Variants in ZFP90 observed in about 807,000 individuals in gnomAD.
ZFP90 encodes the protein ZFP90 zinc finger protein.
In ZFP90, 38 loss-of-function variants were observed where a neutral mutation model predicts 60.8. The observed-to-expected ratio is 0.62, with a 90% CI of 0.48 to 0.82. The LOEUF (loss-of-function observed/expected upper bound fraction) is 0.82, where lower values mean the gene tolerates loss of function less well. ZFP90 is among the 40% of genes least tolerant of loss of function. ZFP90 has a pLI of 0.00. For missense variants in ZFP90, 711 were observed against 759.1 expected (o/e 0.94, Z 0.74); for synonymous variants, 287 against 264.8 (o/e 1.08, Z -0.82).
intron 4 of ZFP90, 36 bp from the exon 5 acceptor site, chr16:68,563,008 G>T: frequency 9.3e-6 from 15 of 1,612,064 alleles, no homozygotes; most frequent in Non-Finnish European, 1.3e-5. Context: ...TCAACAGGAA[G>T]GAATAGGGGA....
intron 2 of ZFP90, among the ~76,000 whole-genome samples, chr16:68,545,600 G>A (rs1411456685): frequency 6.8e-6 from 1 of 146,350 alleles, no homozygotes; most frequent in Non-Finnish European, 1.5e-5. Flanking sequence ...GGATCACGAG[G>A]TCAGGAGATC....
chr16:68,540,366 C>A (rs559880090), intron 2 of ZFP90, among the ~76,000 whole-genome samples: 8 of 152,160 alleles, frequency 5.3e-5, no homozygotes, highest in Non-Finnish European at 8.8e-5. Context: ...AGGGCTGATT[C>A]TCCCAGAGCT....
intron 2 of ZFP90, among the ~76,000 whole-genome samples, chr16:68,542,118 C>T (rs1444006485): frequency 4.6e-5 from 7 of 152,146 alleles, no homozygotes; most frequent in Admixed American, 4.6e-4. Context: ...AGTAATGAGT[C>T]CTGTGACTGC....
intron 3 of ZFP90, 81 bp from the exon 4 acceptor site, chr16:68,558,392 G>T: frequency 7.7e-7 from 1 of 1,302,516 alleles, no homozygotes; most frequent in Non-Finnish European, 1.1e-6. Context: ...GAGGATCAAG[G>T]ACTAGTACTG....
At chr16:68,540,808 CAA>C (rs35122186) in intron 2 of ZFP90, among the ~76,000 whole-genome samples, 3 of 92,696 alleles carry the variant, frequency 3.2e-5, no homozygotes, top group Non-Finnish European at 6.0e-5. Context: ...TCCGTCTCTG[CAA>C]AAAAAAAAAA....
chr16:68,553,462 A>G (rs945041244), intron 2 of ZFP90, among the ~76,000 whole-genome samples: 2 of 152,120 alleles, frequency 1.3e-5, no homozygotes, highest in African/African-American at 4.8e-5. Flanking sequence ...CGAGAGCTGC[A>G]GGCAGGGGAG....
At chr16:68,536,021 C>T (rs575943125), upstream of ZFP90, among the ~76,000 whole-genome samples, 16 of 152,278 alleles carry the variant, frequency 1.1e-4, no homozygotes, top group African/African-American at 3.9e-4. Context: ...ATTCCATAGC[C>T]TCTTACTATT....
At chr16:68,546,942 C>A (rs1270885564) in intron 2 of ZFP90, among the ~76,000 whole-genome samples, 2 of 152,174 alleles carry the variant, frequency 1.3e-5, no homozygotes, top group Non-Finnish European at 2.9e-5. Context: ...AAATAAAAGC[C>A]TTTCTAAGGC....
chr16:68,539,060 T>A (rs1349047382), upstream of ZFP90, among the ~76,000 whole-genome samples: 1 of 152,140 alleles, frequency 6.6e-6, no homozygotes, highest in Non-Finnish European at 1.5e-5. Flanking sequence ...CCCGGCCGAT[T>A]CCCCAGCTAG....
At chr16:68,554,913 G>C (rs977829036) in intron 2 of ZFP90, among the ~76,000 whole-genome samples, 2 of 152,222 alleles carry the variant, frequency 1.3e-5, no homozygotes, top group Admixed American at 6.5e-5. Context: ...CTAGAGGGTA[G>C]AGTAGGCAGT....
intron 2 of ZFP90, among the ~76,000 whole-genome samples, chr16:68,549,648 C>T (rs1372331346): frequency 1.4e-5 from 2 of 140,350 alleles, no homozygotes; most frequent in Non-Finnish European, 3.0e-5. Flanking sequence ...CACTGCACTC[C>T]AGCCTGGGCG....
In ZFP90 at chr16:68,563,537, A is replaced by G. The variant is rs1207555627; in HGVS notation, c.750A>G (p.Gly250=). The change falls in exon 5 of 5, where the codon GGA becomes GGG. Residue 250 remains glycine (G), a synonymous_variant. Coordinates refer to ENST00000563169, the MANE Select transcript of ZFP90 (RefSeq NM_001305203.2). ...PNGTDQGIYP[G]KKHHECTDCG... The stretch of plus-strand genomic sequence containing the variant: ...GAACAGATCAAGGAATTTATCCTGG[A>G]AAGAAACACCATGAATGTACCGACT... The G allele has an allele frequency of 6.2e-7, 1 of 1,614,236 alleles. No homozygotes were observed. The highest frequency in any genetic ancestry group is 1.3e-5 in the African/African-American group (1 of 75,072).
At chr16:68,575,612 G>A (rs1056407232) in intron 2 of ZFP90, among the ~76,000 whole-genome samples, 1 of 150,944 alleles carries the variant, frequency 6.6e-6, no homozygotes, top group Non-Finnish European at 1.5e-5. Context: ...AACCAATTAG[G>A]CAAGGGTAGT....
chr16:68,565,702 G>T lies in ZFP90; in HGVS notation c.*1004G>T. ...GGAAAACAACAGAAAACTAAGAGGA[G>T]AATTTTCCCGTTAATTTTCTTGCAG... is the stretch of plus-strand genomic sequence containing the variant. On this transcript the variant is annotated 3_prime_UTR_variant, in exon 5 of 5. Transcript: ENST00000563169. The T allele has an allele frequency of 1.0e-6, 1 of 975,282 alleles. No homozygotes were observed. Among genetic ancestry groups the T allele is most frequent in the Non-Finnish European group, 1.2e-6 (1 of 827,558 alleles). The allele number at this position is 975,282 out of a possible 1,614,324, so 60.4% of individuals were successfully genotyped here.
chr16:68,559,707 A>G (rs539013381), intron 4 of ZFP90, among the ~76,000 whole-genome samples: 1 of 152,166 alleles, frequency 6.6e-6, no homozygotes, highest in Admixed American at 6.5e-5. Context: ...AGCTAGGACT[A>G]TAGATATGTG....
chr16:68,536,426 C>A (rs1416389021), upstream of ZFP90, among the ~76,000 whole-genome samples: 3 of 152,166 alleles, frequency 2.0e-5, no homozygotes. Context: ...CCCACCTCAG[C>A]CTCCCCAGTA....
chr16:68,544,597 A>C (rs1162150518), intron 2 of ZFP90, among the ~76,000 whole-genome samples: 13 of 152,156 alleles, frequency 8.5e-5, no homozygotes. Context: ...TTAGATCATC[A>C]GGGTGAACAG....
chr16:68,534,630 G>T (rs2093863784), upstream of ZFP90, among the ~76,000 whole-genome samples: 1 of 151,556 alleles, frequency 6.6e-6, no homozygotes, highest in Non-Finnish European at 1.5e-5. Flanking sequence ...TGACAGCCGG[G>T]CACAGTGGCT....
At position 68,565,661 on chromosome 16, in the gene ZFP90, C is replaced by G; in HGVS notation, c.*963C>G. ...ATGAAAAAGCACTTTCTTAAGCCTA[C>G]AGTATCAGATCAATGGGAAAACAAC... is the stretch of plus-strand genomic sequence containing the variant. On this transcript the variant is annotated 3_prime_UTR_variant, in exon 5 of 5. Coordinates refer to ENST00000563169, the MANE Select transcript of ZFP90 (RefSeq NM_001305203.2). 1.0e-6 allele frequency: 1 copy of G among 985,550 alleles called. No individual in the cohort carries two copies. Among genetic ancestry groups the G allele is most frequent in the Non-Finnish European group, 1.2e-6 (1 of 829,934 alleles). The allele number at this position is 985,550 out of a possible 1,614,324, so 61.1% of individuals were successfully genotyped here. A position where few individuals can be genotyped will look rare whatever the true frequency, so the allele number is the denominator to read the frequency against.
Sources: gnomAD v4.1 joint callset for allele counts (sites outside exome capture counted in the v4.1 genomes callset) on GRCh38, gnomAD v4.1.1 for gene constraint, MANE v1.5 for transcripts, NCBI Gene and HGNC (gene_info 2026-07-23, HGNC 2026-07-21) for gene names.